Variants in CASK observed in about 807,000 individuals in gnomAD.
CASK encodes the protein peripheral plasma membrane protein CASK.
CASK carries 4 observed loss-of-function variants against 82.9 expected under a neutral mutation model. The ratio of observed to expected loss-of-function variants is 0.05; its 90% CI spans 0.02 to 0.11. The LOEUF (loss-of-function observed/expected upper bound fraction) is 0.11. Among genes scored for constraint, CASK ranks in the 10% least tolerant of loss-of-function variants. The pLI is 1.00. For synonymous variants in CASK, 259 were observed against 253.5 expected (o/e 1.02, Z -0.20); for missense variants, 358 against 720.9 (o/e 0.50, Z 5.76).
intron 8 of CASK, among the ~76,000 whole-genome samples, chrX:41,655,481 C>A (rs1429845704): frequency 9.0e-6 from 1 of 111,674 alleles, no homozygotes; most frequent in Non-Finnish European, 1.9e-5. Flanking sequence ...CCTGAAATAC[C>A]CATGCTTTCT....
chrX:41,655,763 G>A (rs766714539), intron 8 of CASK, among the ~76,000 whole-genome samples: 21 of 111,590 alleles, frequency 1.9e-4, no homozygotes, highest in Admixed American at 1.8e-3. Context: ...AAGGTGAATC[G>A]ACAGCATCCT....
At chrX:41,524,202 CT>C (rs2064679604) in intron 25 of CASK, 168 bp from the exon 26 acceptor site, 2 of 441,574 alleles carry the variant, frequency 4.5e-6, no homozygotes, top group Non-Finnish European at 7.8e-6. Flanking sequence ...ACTTATATTA[CT>C]TTTTTTCTAA....
intron 3 of CASK, among the ~76,000 whole-genome samples, chrX:41,786,606 A>G (rs1269031930): frequency 3.6e-5 from 4 of 110,438 alleles, no homozygotes; most frequent in Non-Finnish European, 5.7e-5. Context: ...AGCTTTATAT[A>G]ATCTCTTTGG....
chrX:41,785,426 T>A (rs191432396), intron 3 of CASK, among the ~76,000 whole-genome samples: 1 of 112,444 alleles, frequency 8.9e-6, no homozygotes, highest in Non-Finnish European at 1.9e-5. Flanking sequence ...GTGTCCTGCT[T>A]ACTATGAATG....
chrX:41,920,840 A>G (rs2072768156), intron 1 of CASK, among the ~76,000 whole-genome samples: 1 of 112,229 alleles, frequency 8.9e-6, no homozygotes, highest in South Asian at 3.7e-4. Flanking sequence ...TCTTCACAAT[A>G]TAATTAACAT....
At chrX:41,531,818 G>A (rs1275930794) in intron 24 of CASK, among the ~76,000 whole-genome samples, 1 of 112,333 alleles carries the variant, frequency 8.9e-6, no homozygotes, top group Non-Finnish European at 1.9e-5. Flanking sequence ...CAAAAGACAC[G>A]TTACACTGAA....
intron 2 of CASK, among the ~76,000 whole-genome samples, chrX:41,823,641 GCTT>G (rs1259101111): frequency 1.8e-5 from 2 of 111,187 alleles, no homozygotes; most frequent in Non-Finnish European, 3.8e-5. Flanking sequence ...CCCTCATTTG[GCTT>G]CTTTATAGCA....
chrX:41,770,321 C>T (rs1459376427), intron 3 of CASK, among the ~76,000 whole-genome samples: 28 of 101,071 alleles, frequency 2.8e-4, no homozygotes, highest in African/African-American at 7.6e-4. Flanking sequence ...CCTATCCATC[C>T]ATCCATCCAT....
chrX:41,561,654 T>C lies in CASK; in HGVS notation c.1583-10A>G, dbSNP rs1214223816. The C allele has an allele frequency of 1.9e-6, 2 of 1,073,722 alleles. No individual in the cohort carries two copies. The highest frequency in any genetic ancestry group is 3.8e-5 in the South Asian group (2 of 52,950). The allele number at this position is 1,073,722 out of a possible 1,213,427, so 88.5% of individuals were successfully genotyped here. A position where few individuals can be genotyped will look rare whatever the true frequency, so the allele number is the denominator to read the frequency against. The stretch of plus-strand genomic sequence containing the variant: ...CCAACATGAAGTGTACCTAAGAAAT[T>C]ATATAACATTATAAACATGAAATGA... On this transcript the variant is annotated splice_polypyrimidine_tract_variant and intron_variant, in intron 16 of 26. Coordinates refer to ENST00000378163, the MANE Select transcript of CASK (RefSeq NM_001367721.1).
chrX:41,836,443 C>T (rs1350622506), intron 2 of CASK, among the ~76,000 whole-genome samples: 1 of 110,936 alleles, frequency 9.0e-6, no homozygotes, highest in Non-Finnish European at 1.9e-5. Flanking sequence ...AAATACTAGC[C>T]AAGTTTAAGG....
intron 12 of CASK, among the ~76,000 whole-genome samples, chrX:41,604,908 T>C (rs1252264945): frequency 1.8e-5 from 2 of 112,171 alleles, no homozygotes; most frequent in Non-Finnish European, 3.8e-5. Context: ...TTTACTCAAA[T>C]TCAAAGGTTT....
intron 19 of CASK, chrX:41,555,901 A>T: frequency 3.8e-6 from 1 of 266,667 alleles, no homozygotes; most frequent in South Asian, 8.4e-5. Flanking sequence ...TCAACACAAA[A>T]GCCACTGCAA....
chrX:41,886,040 A>C (rs1468652107), intron 1 of CASK, among the ~76,000 whole-genome samples: 1 of 111,921 alleles, frequency 8.9e-6, no homozygotes, highest in Non-Finnish European at 1.9e-5. Context: ...TAACTAGGCA[A>C]GTTTAATTAA....
intron 2 of CASK, among the ~76,000 whole-genome samples, chrX:41,792,585 T>A (rs576726099): frequency 1.8e-5 from 2 of 111,342 alleles, no homozygotes; most frequent in Non-Finnish European, 3.8e-5. Context: ...CCACTGCACC[T>A]AGCTCAATAA....
At chrX:41,578,296 C>T (rs2065512577) in intron 15 of CASK, 44 bp downstream of exon 15, 1 of 990,628 alleles carries the variant, frequency 1.0e-6, no homozygotes, top group Non-Finnish European at 1.4e-6. Flanking sequence ...ATAACTCATG[C>T]TGGGATCTTA....
At chrX:41,888,170 G>T (rs1483878687) in intron 1 of CASK, among the ~76,000 whole-genome samples, 1 of 111,236 alleles carries the variant, frequency 9.0e-6, no homozygotes, top group Admixed American at 9.5e-5. Flanking sequence ...CTCTGCCTAC[G>T]CTTTCTAGTA....
chrX:41,713,140 T>G (rs1356058007), intron 5 of CASK, among the ~76,000 whole-genome samples: 1 of 112,175 alleles, frequency 8.9e-6, no homozygotes, highest in East Asian at 2.8e-4. Flanking sequence ...ATGAACCCAC[T>G]GGACAGTTAC....
At chrX:41,750,146 ATAT>A (rs1343413389) in intron 3 of CASK, among the ~76,000 whole-genome samples, 1 of 111,992 alleles carries the variant, frequency 8.9e-6, no homozygotes, top group African/African-American at 3.2e-5. Context: ...ATTATTTATA[ATAT>A]TAATTGATAT....
chrX:41,644,420 C>T (rs770730611), intron 8 of CASK, among the ~76,000 whole-genome samples: 22 of 111,866 alleles, frequency 2.0e-4, no homozygotes, highest in Admixed American at 6.7e-4. Context: ...TAATCAATAC[C>T]TTTGTGATTT....
Sources: allele counts gnomAD v4.1 joint callset (sites outside exome capture counted in the v4.1 genomes callset), GRCh38; gene constraint gnomAD v4.1.1; transcripts MANE v1.5; gene names NCBI Gene and HGNC (gene_info 2026-07-23, HGNC 2026-07-21).